The following SLC3A2 variants were observed in gnomAD, a reference collection of about 807,000 sequenced individuals.
SLC3A2 encodes the protein solute carrier family 3 member 2, also known as amino acid transporter heavy chain SLC3A2.
A neutral mutation model predicts 48.5 loss-of-function variants in SLC3A2; 32 were observed. The observed-to-expected ratio is 0.66, with a 90% CI of 0.50 to 0.89. The LOEUF (loss-of-function observed/expected upper bound fraction) is 0.89, where lower values mean the gene tolerates loss of function less well. Among genes scored for constraint, SLC3A2 ranks in the 40% least tolerant of loss-of-function variants. SLC3A2 has a pLI of 0.00. For synonymous variants in SLC3A2, 277 were observed against 288.8 expected, an observed-to-expected ratio of 0.96 and a Z score of 0.41; for missense variants, 587 against 680.7, an observed-to-expected ratio of 0.86 and a Z score of 1.53.
chr11:62,882,015 T>A lies in SLC3A2; in HGVS notation c.547T>A (p.Phe183Ile), dbSNP rs1305006463. 6.2e-7 allele frequency: 1 copy of A among 1,614,066 alleles called. No individual in the cohort carries two copies. Among genetic ancestry groups the A allele is most frequent in the Admixed American group, 1.7e-5 (1 of 60,016 alleles). The part of the protein sequence containing the change: ...QTDLLQIDPN[F>I]GSKEDFDSLL... ...TGACTTGCTGCAGATCGACCCCAAT[T>A]TTGGCTCCAAGGAAGATTTTGACAG... Residue 183 changes from phenylalanine (F) to isoleucine (I), a missense_variant, in exon 2 of 9, where the codon TTT becomes ATT. Physicochemically the swap from Phe to Ile is conservative, Grantham distance 21 (BLOSUM62 0). This residue lies in a region of SLC3A2 where 409 missense variants were observed against 446.7 expected (regional missense o/e 0.92). Coordinates refer to ENST00000338663, the MANE Select transcript of SLC3A2 (RefSeq NM_001013251.3).
intron 2 of SLC3A2, 90 bp downstream of exon 2, chr11:62,882,156 C>A: frequency 6.7e-7 from 1 of 1,490,046 alleles, no homozygotes; most frequent in East Asian, 2.3e-5. Context: ...TTCCTGCTAA[C>A]TGGCTCTGAG....
At chr11:62,879,456 ACTT>A (rs532301583), upstream of SLC3A2, among the ~76,000 whole-genome samples, 173 of 152,168 alleles carry the variant, frequency 1.1e-3, no homozygotes, top group Middle Eastern at 3.4e-3. Flanking sequence ...TCTGGTTGGC[ACTT>A]CTTATCTGGC....
chr11:62,876,925 T>C (rs1387925093), upstream of SLC3A2: 1 of 995,084 alleles, frequency 1.0e-6, no homozygotes, highest in Non-Finnish European at 1.2e-6. Flanking sequence ...GTTGAACAGT[T>C]ACAAGTCTTG....
Position 62,882,889 on chromosome 11 carries a change from TC to T in SLC3A2, c.599-18del, listed in dbSNP as rs2085660990. ...ACTCATAGACTGTCTCATGATTGCG[TC>T]TTCCTCCGTTGTTTTAGGCATCCGT... On this transcript the variant is annotated intron_variant, in intron 2 of 8. Coordinates refer to ENST00000338663, the MANE Select transcript of SLC3A2 (RefSeq NM_001013251.3). 7 of 1,596,022 alleles carry T rather than the reference TC, an allele frequency of 4.4e-6. No individual in the cohort carries two copies. The highest frequency in any genetic ancestry group is 6.0e-6 in the Non-Finnish European group (7 of 1,163,458).
rs1318294178 is a variant in SLC3A2, at chr11:62,883,092, C to T, written c.690+93C>T. 10 of 1,169,362 alleles carry T rather than the reference C, an allele frequency of 8.6e-6. No homozygotes were observed. The East Asian group carries it at 2.4e-4, about 28-fold the overall frequency. The allele number at this position is 1,169,362 out of a possible 1,614,324, so 72.4% of individuals were successfully genotyped here. A position where few individuals can be genotyped will look rare whatever the true frequency, so the allele number is the denominator to read the frequency against. On this transcript the variant is annotated intron_variant, in intron 3 of 8. Transcript: ENST00000338663. Reference sequence around the variant, plus strand: ...CCCTGTAGACCCAGCCTGACTCCAGCTGAGGGTCCCTTTGCTCCTTAGGAC... The same window carrying T: ...CCCTGTAGACCCAGCCTGACTCCAGTTGAGGGTCCCTTTGCTCCTTAGGAC...
upstream of SLC3A2, chr11:62,876,827 C>T: frequency 1.3e-6 from 1 of 743,206 alleles, no homozygotes; most frequent in Non-Finnish European, 1.8e-6. Context: ...ATATTGAATT[C>T]CTGACCTCAA....
chr11:62,888,267 C>T, intron 8 of SLC3A2, 49 bp downstream of exon 8: 2 of 1,609,328 alleles, frequency 1.2e-6, no homozygotes, highest in Non-Finnish European at 1.7e-6. Flanking sequence ...GTGGGCTGGG[C>T]TTGTAGAAGT....
At position 62,881,948 on chromosome 11, in the gene SLC3A2, G is replaced by A. The variant is rs778699846; in HGVS notation, c.480G>A (p.Leu160=). 1 of 1,614,138 alleles carries A rather than the reference G, an allele frequency of 6.2e-7. No homozygotes were observed. Among genetic ancestry groups the A allele is most frequent in the East Asian group, 2.2e-5 (1 of 44,882 alleles). The part of the protein sequence containing the change: ...LSSLKVKGLV[L]GPIHKNQKDD... Reference sequence around the variant, plus strand: ...CTCTGAAGGTGAAGGGCCTTGTGCTGGGTCCAATTCACAAGAACCAGAAGG... The same window carrying A: ...CTCTGAAGGTGAAGGGCCTTGTGCTAGGTCCAATTCACAAGAACCAGAAGG... The change falls in exon 2 of 9, where the codon CTG becomes CTA. Residue 160 remains leucine, a synonymous_variant. Transcript: ENST00000338663. This position sits in a 1 kb window ranked among gnomAD's most constrained non-coding sequence, Gnocchi z 4.0.
At chr11:62,882,474 C>T (rs2085655138) in intron 2 of SLC3A2, 1 of 225,370 alleles carries the variant, frequency 4.4e-6, no homozygotes, top group African/African-American at 2.4e-5. Flanking sequence ...TATAAACTTT[C>T]TGCCTTCCAA....
chr11:62,867,524 C>T (rs1279906195), intron 1 of SLC3A2, among the ~76,000 whole-genome samples: 1 of 150,638 alleles, frequency 6.6e-6, no homozygotes, highest in Non-Finnish European at 1.5e-5. Flanking sequence ...CGTGGTTTCA[C>T]CATGTTGGCC....
intron 1 of SLC3A2, among the ~76,000 whole-genome samples, chr11:62,857,620 G>A (rs2085349338): frequency 6.9e-6 from 1 of 145,148 alleles, no homozygotes; most frequent in African/African-American, 2.5e-5. Context: ...AGCCCAGGAG[G>A]TTGAGACTGC....
intron 5 of SLC3A2, 89 bp from the exon 6 acceptor site, chr11:62,885,088 C>T (rs968239796): frequency 1.1e-4 from 159 of 1,447,494 alleles, no homozygotes; most frequent in Admixed American, 2.2e-4. Context: ...GCCTCAGCCT[C>T]CCAAAGTGTT....
At chr11:62,873,253 C>T (rs1376009042) in intron 1 of SLC3A2, among the ~76,000 whole-genome samples, 1 of 151,846 alleles carries the variant, frequency 6.6e-6, no homozygotes, top group Non-Finnish European at 1.5e-5. Flanking sequence ...TTTTGGGAGG[C>T]CAAGTCGGGC....
intron 7 of SLC3A2, 134 bp from the exon 8 acceptor site, chr11:62,888,001 G>T: frequency 1.4e-6 from 1 of 725,370 alleles, no homozygotes; most frequent in Non-Finnish European, 2.3e-6. Flanking sequence ...TCATTATGTT[G>T]CTGAGGCTGG....
upstream of SLC3A2, among the ~76,000 whole-genome samples, chr11:62,879,077 A>G (rs2085601837): frequency 6.7e-6 from 1 of 148,996 alleles, no homozygotes; most frequent in African/African-American, 2.5e-5. Context: ...CTGGCCTGTT[A>G]GTTTTTTTGA....
At chr11:62,872,830 G>A (rs2085531403) in intron 1 of SLC3A2, among the ~76,000 whole-genome samples, 1 of 152,086 alleles carries the variant, frequency 6.6e-6, no homozygotes, top group African/African-American at 2.4e-5. Context: ...TTTAACTCCT[G>A]CCCTCAGGTG....
chr11:62,860,044 A>T (rs2085382064), intron 1 of SLC3A2, among the ~76,000 whole-genome samples: 1 of 152,170 alleles, frequency 6.6e-6, no homozygotes, highest in Non-Finnish European at 1.5e-5. Flanking sequence ...TCTCAGCCAG[A>T]GGGATGTGGC....
exon 1 of SLC3A2, chr11:62,856,213 C>T: frequency 7.1e-7 from 1 of 1,412,418 alleles, no homozygotes; most frequent in Non-Finnish European, 9.8e-7. Flanking sequence ...CCCTCTAACC[C>T]TGTTCTGAGC....
chr11:62,883,223 G>C, intron 3 of SLC3A2: 1 of 509,614 alleles, frequency 2.0e-6, no homozygotes, highest in East Asian at 3.2e-5. Flanking sequence ...TGACTCTGAG[G>C]ATGAGACAGT....
Sources: allele counts gnomAD v4.1 joint callset (sites outside exome capture counted in the v4.1 genomes callset), GRCh38; gene constraint gnomAD v4.1.1; regional missense constraint gnomAD v4.1.1; non-coding constraint Gnocchi (gnomAD v3.1); transcripts MANE v1.5; gene names NCBI Gene and HGNC (gene_info 2026-07-23, HGNC 2026-07-21).